KAZN: variants seen among roughly 807,000 people sequenced by gnomAD.
KAZN encodes the protein kazrin.
Under a neutral mutation model 87.4 loss-of-function variants are expected in KAZN, and 40 were observed. The ratio of observed to expected loss-of-function variants is 0.46; its 90% confidence interval spans 0.36 to 0.60. KAZN has a LOEUF of 0.60. Among genes scored for constraint, KAZN ranks in the 20% least tolerant of loss-of-function variants. KAZN has a pLI of 0.00. For synonymous variants in KAZN, 466 were observed against 458.3 expected, an observed-to-expected ratio of 1.02 and a Z score of -0.22; for missense variants, 898 against 1,073.9, an observed-to-expected ratio of 0.84 and a Z score of 2.29.
Position 15,017,577 on chromosome 1 carries a change from G to A in KAZN, c.419-17172G>A, listed in dbSNP as rs542872442. Among the ~76,000 whole-genome samples the A allele has an allele frequency of 2.6e-5, 4 of 152,304 alleles. No homozygotes were observed. In the East Asian group the frequency reaches 7.8e-4, roughly 30 times the overall value. On this transcript the variant is annotated intron_variant, in intron 2 of 14. Transcript: ENST00000376030. ...CCAGCGCTTTGGAAGGCTGAGGTGG[G>A]CGGATCACCTTCAGTCAGGAGTTTG...
chr1:14,403,892 G>C (rs1663619318), intron 2 of KAZN, among the ~76,000 whole-genome samples: 1 of 151,448 alleles, frequency 6.6e-6, no homozygotes, highest in Admixed American at 6.6e-5. Flanking sequence ...GAAGTTAAGA[G>C]CGGAAGTTTA....
chr1:14,397,533 A>G (rs1243078770), intron 2 of KAZN, among the ~76,000 whole-genome samples: 1 of 152,166 alleles, frequency 6.6e-6, no homozygotes, highest in Non-Finnish European at 1.5e-5. Context: ...AACAGCTCAG[A>G]ACATCATGCA....
intron 2 of KAZN, among the ~76,000 whole-genome samples, chr1:14,507,480 T>G (rs189714339): frequency 6.2e-4 from 94 of 152,270 alleles, no homozygotes; most frequent in African/African-American, 2.2e-3. Context: ...CTAGAAGACC[T>G]AAAGAGCCTG....
At chr1:14,566,571 A>T (rs1674562087) in intron 2 of KAZN, among the ~76,000 whole-genome samples, 1 of 152,212 alleles carries the variant, frequency 6.6e-6, no homozygotes, top group South Asian at 2.1e-4. Context: ...CCCACTTATG[A>T]AAATCCTAGA....
At chr1:14,248,715 T>C (rs1479970828) in intron 2 of KAZN, among the ~76,000 whole-genome samples, 1 of 152,212 alleles carries the variant, frequency 6.6e-6, no homozygotes, top group African/African-American at 2.4e-5. Context: ...TTAAAACATG[T>C]TCCCAAATTC....
rs2148593236 is a variant in KAZN, at chr1:14,598,809, A to G, written c.-189A>G. The G allele has an allele frequency of 7.7e-7, 1 of 1,296,766 alleles. No homozygotes were observed. Among genetic ancestry groups the G allele is most frequent in the Non-Finnish European group, 9.8e-7 (1 of 1,021,224 alleles). The allele number at this position is 1,296,766 out of a possible 1,614,324, so 80.3% of individuals were successfully genotyped here. A position where few individuals can be genotyped will look rare whatever the true frequency, so the allele number is the denominator to read the frequency against. On this transcript the variant is annotated 5_prime_UTR_variant, in exon 1 of 15. Transcript: ENST00000376030. This position sits in a 1 kb window ranked among gnomAD's most constrained non-coding sequence, Gnocchi z 4.2. ...CCGCCGCCTCGCCACCGCCGCGGCT[A>G]GGGCTGGAGGCGCCGCTGTCATTCC...
intron 1 of KAZN, among the ~76,000 whole-genome samples, chr1:14,862,332 C>A (rs553701727): frequency 5.9e-5 from 9 of 152,124 alleles, no homozygotes; most frequent in Non-Finnish European, 1.2e-4. Flanking sequence ...TTCGGAGTGC[C>A]CAGCATGGGG....
chr1:14,834,236 A>T (rs1383504084), intron 1 of KAZN, among the ~76,000 whole-genome samples: 1 of 151,486 alleles, frequency 6.6e-6, no homozygotes, highest in East Asian at 1.9e-4. Context: ...GGGTTTCACC[A>T]TGTTGGCCAG....
At chr1:14,118,312 T>TA (rs1644674853) in intron 1 of KAZN, among the ~76,000 whole-genome samples, 1 of 152,216 alleles carries the variant, frequency 6.6e-6, no homozygotes, top group South Asian at 2.1e-4. Flanking sequence ...AGAGGGTTTT[T>TA]AAAACAAAAT....
intron 2 of KAZN, among the ~76,000 whole-genome samples, chr1:14,265,644 G>A (rs928777471): frequency 2.0e-5 from 3 of 152,086 alleles, no homozygotes; most frequent in African/African-American, 2.4e-5. Context: ...ATCAGAAATC[G>A]AACCCTCAGT....
chr1:14,088,773 A>G (rs534443491), intron 1 of KAZN, among the ~76,000 whole-genome samples: 2 of 152,050 alleles, frequency 1.3e-5, no homozygotes, highest in Non-Finnish European at 2.9e-5. Context: ...TTCTTCTTTT[A>G]GTTATATCAT....
chr1:14,601,427 G>A (rs985901352), intron 1 of KAZN, among the ~76,000 whole-genome samples: 1 of 151,648 alleles, frequency 6.6e-6, no homozygotes, highest in African/African-American at 2.4e-5. Flanking sequence ...GCCTCTGTAA[G>A]TTTGGGGGAT....
chr1:14,834,888 A>G (rs1303527074), intron 1 of KAZN, among the ~76,000 whole-genome samples: 1 of 152,226 alleles, frequency 6.6e-6, no homozygotes, highest in Admixed American at 6.5e-5. Flanking sequence ...TGGATTCAGT[A>G]GATTTAAAGT....
At chr1:14,434,960 C>T (rs371825136) in intron 2 of KAZN, among the ~76,000 whole-genome samples, 11 of 152,310 alleles carry the variant, frequency 7.2e-5, no homozygotes, top group African/African-American at 2.6e-4. Flanking sequence ...AGGTCTCATC[C>T]TATCCTGAGA....
chr1:15,035,253 C>T (rs540413312), intron 3 of KAZN, among the ~76,000 whole-genome samples: 38 of 152,234 alleles, frequency 2.5e-4, no homozygotes, highest in South Asian at 4.2e-4. Context: ...TGATGAATGC[C>T]GAGCACTCAG....
At chr1:14,107,950 C>T (rs116795307) in intron 1 of KAZN, among the ~76,000 whole-genome samples, 2,249 of 152,228 alleles carry the variant, frequency 0.015, 67 homozygotes, top group African/African-American at 0.051. Flanking sequence ...GCCTTAGTTT[C>T]CTCATCTACC....
Position 14,735,033 on chromosome 1 carries a change from G to A in KAZN, c.226+135810G>A, listed in dbSNP as rs1232546897. ...AGGATGTGCGTCTTGGTTTTGGGGAGCACAGGATGCTAAATGGTCATGCTG... is the reference window on the plus strand; with the variant it reads ...AGGATGTGCGTCTTGGTTTTGGGGAACACAGGATGCTAAATGGTCATGCTG... On this transcript the variant is annotated intron_variant, in intron 1 of 14. Transcript: ENST00000376030. This position sits in a 1 kb window ranked among gnomAD's most constrained non-coding sequence, Gnocchi z 4.3. 6.6e-6 allele frequency among the ~76,000 whole-genome samples: 1 copy of A among 152,182 alleles called. No individual in the cohort carries two copies. The highest frequency in any genetic ancestry group is 2.4e-5 in the African/African-American group (1 of 41,456).
intron 2 of KAZN, among the ~76,000 whole-genome samples, chr1:14,377,666 T>C (rs1485993813): frequency 1.3e-5 from 2 of 152,198 alleles, no homozygotes; most frequent in African/African-American, 4.8e-5. Flanking sequence ...ATTTAATGTC[T>C]GTTTAGGGCA....
chr1:14,387,035 C>T (rs1371474788), intron 2 of KAZN, among the ~76,000 whole-genome samples: 1 of 152,068 alleles, frequency 6.6e-6, no homozygotes, highest in Non-Finnish European at 1.5e-5. Flanking sequence ...TTTCTCTAAA[C>T]TTCCCTTCTC....
Sources: gnomAD v4.1 joint callset for allele counts (sites outside exome capture counted in the v4.1 genomes callset) on GRCh38, gnomAD v4.1.1 for gene constraint, Gnocchi (gnomAD v3.1) non-coding constraint, MANE v1.5 for transcripts, NCBI Gene and HGNC (gene_info 2026-07-23, HGNC 2026-07-21) for gene names.